ELOVL2: variants seen among roughly 807,000 people sequenced by gnomAD.
The protein encoded by ELOVL2 is very long chain fatty acid elongase 2.
Under a neutral mutation model 37.7 loss-of-function variants are expected in ELOVL2, and 38 were observed. The observed-to-expected ratio is 1.01, with a 90% CI of 0.78 to 1.32. The LOEUF (loss-of-function observed/expected upper bound fraction) is 1.32. Among genes scored for constraint, ELOVL2 ranks in the 40% most tolerant of loss-of-function variants. ELOVL2 has a pLI of 0.00. For synonymous variants in ELOVL2, 115 were observed against 122.3 expected (o/e 0.94, Z 0.40); for missense variants, 352 against 363.6 (o/e 0.97, Z 0.26).
intron 4 of ELOVL2, among the ~76,000 whole-genome samples, chr6:10,998,129 C>T (rs953060685): frequency 6.6e-6 from 1 of 152,124 alleles, no homozygotes; most frequent in Non-Finnish European, 1.5e-5. Context: ...CCTGCTCCCC[C>T]TTCACCTTCC....
chr6:10,996,430 G>A (rs1782269260), intron 4 of ELOVL2, among the ~76,000 whole-genome samples: 2 of 152,160 alleles, frequency 1.3e-5, no homozygotes, highest in African/African-American at 2.4e-5. Context: ...CCCACTTTGG[G>A]AGGCCGAGGT....
intron 1 of ELOVL2, among the ~76,000 whole-genome samples, chr6:11,030,082 T>A (rs947973140): frequency 2.6e-5 from 4 of 152,234 alleles, no homozygotes; most frequent in Admixed American, 2.6e-4. Flanking sequence ...ATTGTTGGTA[T>A]TTGGCTATTC....
At chr6:10,987,101 C>T (rs1782065586) in intron 7 of ELOVL2, among the ~76,000 whole-genome samples, 1 of 152,132 alleles carries the variant, frequency 6.6e-6, no homozygotes, top group Non-Finnish European at 1.5e-5. Context: ...TCGAGGAATT[C>T]ATCCATTTCT....
intron 1 of ELOVL2, among the ~76,000 whole-genome samples, chr6:11,034,721 G>C (rs746046323): frequency 6.9e-6 from 1 of 144,324 alleles, no homozygotes; most frequent in African/African-American, 2.6e-5. Flanking sequence ...CACTTATTAG[G>C]GCTAAATGTG....
intron 1 of ELOVL2, 39 bp from the exon 2 acceptor site, chr6:11,010,848 C>A: frequency 6.5e-7 from 1 of 1,533,924 alleles, no homozygotes; most frequent in South Asian, 1.2e-5. Context: ...GTGTTTTTTT[C>A]TTCTTTTTTT....
At chr6:10,990,270 C>G in intron 6 of ELOVL2, 48 bp downstream of exon 6, 1 of 1,587,792 alleles carries the variant, frequency 6.3e-7, no homozygotes, top group South Asian at 1.2e-5. Context: ...ATTTCCTTTC[C>G]CCATCCATAA....
chr6:11,038,811 G>A (rs778441536), intron 1 of ELOVL2, among the ~76,000 whole-genome samples: 4 of 152,132 alleles, frequency 2.6e-5, no homozygotes, highest in Admixed American at 6.6e-5. Flanking sequence ...CTGTATTACT[G>A]AAACATGCTC....
At chr6:11,000,226 G>T in intron 3 of ELOVL2, 62 bp from the exon 4 acceptor site, 2 of 1,460,528 alleles carry the variant, frequency 1.4e-6, no homozygotes, top group Non-Finnish European at 1.9e-6. Flanking sequence ...GATACAGACT[G>T]AATTTCCCAT....
chr6:11,033,751 T>C (rs1782968681), intron 1 of ELOVL2, among the ~76,000 whole-genome samples: 1 of 152,196 alleles, frequency 6.6e-6, no homozygotes, highest in Admixed American at 6.5e-5. Context: ...CTTTATCACT[T>C]TTTTTATCCT....
Position 10,990,431 on chromosome 6 carries a change from G to T in ELOVL2, c.517C>A (p.Pro173Thr). 6.3e-7 allele frequency: 1 copy of T among 1,594,154 alleles called. No homozygotes were observed. Among genetic ancestry groups the T allele is most frequent in the South Asian group, 1.2e-5 (1 of 85,316 alleles). ...ATGTGGATAAAACTGTTCAGTGTTG[G>T]TCCAAAGAAACCTATAAAAGTACAG... ...WIPCGQSFFG[P>T]TLNSFIHILM... Residue 173 changes from proline to threonine, a missense_variant, in exon 6 of 8, where the codon CCA becomes ACA. Transcript: ENST00000354666.
At chr6:11,005,639 T>C (rs1782469141) in intron 2 of ELOVL2, 80 bp from the exon 3 acceptor site, 2 of 1,221,984 alleles carry the variant, frequency 1.6e-6, no homozygotes, top group African/African-American at 1.5e-5. Flanking sequence ...TACATTGCAT[T>C]TGTACACACC....
rs376133751 is a variant in ELOVL2 at position 10,989,842 on chromosome 6, G to T, written c.631-5C>A. On this transcript the variant is annotated splice_polypyrimidine_tract_variant and splice_region_variant and intron_variant, in intron 6 of 7. Coordinates refer to ENST00000354666, the MANE Select transcript of ELOVL2 (RefSeq NM_017770.4). ...GATGGTGAGCACGAACTGCACCTGG[G>T]GACGGCAGAGAGGGCATCTCTGTGA... is the stretch of plus-strand genomic sequence containing the variant. 5.5e-5 allele frequency: 89 copies of T among 1,613,936 alleles called. No individual in the cohort carries two copies. The highest frequency in any genetic ancestry group is 3.4e-5 in the Non-Finnish European group (40 of 1,179,978).
intron 1 of ELOVL2, among the ~76,000 whole-genome samples, chr6:11,021,838 C>G (rs994945461): frequency 1.3e-5 from 2 of 152,160 alleles, no homozygotes; most frequent in Non-Finnish European, 2.9e-5. Context: ...CTTTTGGCTT[C>G]AGAATCCTCT....
intron 4 of ELOVL2, among the ~76,000 whole-genome samples, chr6:10,996,072 T>A (rs1374948976): frequency 6.6e-6 from 1 of 152,146 alleles, no homozygotes; most frequent in African/African-American, 2.4e-5. Context: ...GTCAGTCTCA[T>A]CTATAGGGAG....
At chr6:10,991,929 G>T (rs1214163448) in intron 5 of ELOVL2, among the ~76,000 whole-genome samples, 1 of 152,076 alleles carries the variant, frequency 6.6e-6, no homozygotes, top group Non-Finnish European at 1.5e-5. Context: ...GCTCTGGTAG[G>T]TCAAAGTATC....
intron 1 of ELOVL2, chr6:11,043,554 A>G (rs1032654185): frequency 2.5e-4 from 38 of 152,974 alleles, no homozygotes; most frequent in Non-Finnish European, 4.8e-4. Context: ...GAAATCGGGC[A>G]GAGAGAGGAG....
intron 1 of ELOVL2, among the ~76,000 whole-genome samples, chr6:11,017,218 G>A (rs1377479892): frequency 6.6e-6 from 1 of 152,140 alleles, no homozygotes; most frequent in East Asian, 1.9e-4. Flanking sequence ...TACGTGTCAG[G>A]CACCTGATAC....
intron 5 of ELOVL2, among the ~76,000 whole-genome samples, chr6:10,991,169 C>T (rs1325479528): frequency 6.6e-6 from 1 of 152,258 alleles, no homozygotes; most frequent in Non-Finnish European, 1.5e-5. Context: ...ATGTACCATG[C>T]TGGGTCAGCT....
chr6:10,998,275 C>G (rs1319706695), intron 4 of ELOVL2, among the ~76,000 whole-genome samples: 1 of 152,112 alleles, frequency 6.6e-6, no homozygotes, highest in Admixed American at 6.5e-5. Context: ...TATAGCAATG[C>G]AAAACAAACT....
Sources: allele counts gnomAD v4.1 joint callset (sites outside exome capture counted in the v4.1 genomes callset), GRCh38; gene constraint gnomAD v4.1.1; transcripts MANE v1.5; gene names NCBI Gene and HGNC (gene_info 2026-07-23, HGNC 2026-07-21).